LARGE1: variants seen among roughly 807,000 people sequenced by gnomAD.
LARGE1 encodes LARGE xylosyl- and glucuronyltransferase 1, also known as xylosyl- and glucuronyltransferase LARGE1.
Under a neutral mutation model 87.6 loss-of-function variants are expected in LARGE1, and 43 were observed. The observed-to-expected ratio is 0.49, with a 90% CI of 0.38 to 0.63. LARGE1 has a LOEUF of 0.63. Among genes scored for constraint, LARGE1 ranks in the 30% least tolerant of loss-of-function variants. The pLI is 0.00. For missense variants in LARGE1, 802 were observed against 1,000.2 expected, an observed-to-expected ratio of 0.80 and a Z score of 2.67; for synonymous variants, 434 against 394.6, an observed-to-expected ratio of 1.10 and a Z score of -1.18.
chr22:33,793,854 G>A (rs2085897744), intron 1 of LARGE1, among the ~76,000 whole-genome samples: 1 of 151,498 alleles, frequency 6.6e-6, no homozygotes, highest in Non-Finnish European at 1.5e-5. Flanking sequence ...AAGAGGGGGT[G>A]GTGTGAGAAT....
At position 33,205,095 on chromosome 22, in the gene LARGE1, C is replaced by T. The variant is rs78646903; in HGVS notation, c.1731-38263G>A. Among the ~76,000 whole-genome samples, 943 of 152,250 alleles carry T rather than the reference C, an allele frequency of 6.2e-3. 9 individuals are homozygous for T. Among genetic ancestry groups the T allele is most frequent in the African/African-American group, 0.02 (837 of 41,542 alleles). ...TGATCACAACAGTATATACTGGTCA[C>T]ACCTTGTCCCATTATTTCCACCCAA... On this transcript the variant is annotated intron_variant, in intron 11 of 11. Coordinates refer to the LARGE1 transcript ENST00000608642.
At chr22:33,113,909 C>T in the LARGE1 span, among the ~76,000 whole-genome samples, 7 of 149,790 alleles carry the variant, frequency 4.7e-5, no homozygotes, top group African/African-American at 9.9e-5. Flanking sequence ...CTCGCTCTAT[C>T]GCCCAGGCTG....
intron 1 of LARGE1, among the ~76,000 whole-genome samples, chr22:33,783,909 T>C (rs1044275731): frequency 1.3e-5 from 2 of 152,164 alleles, no homozygotes; most frequent in African/African-American, 4.8e-5. Context: ...CTTTCCTCAA[T>C]GGGCTCTAAA....
intron 6 of LARGE1, among the ~76,000 whole-genome samples, chr22:33,473,208 G>T (rs1361461275): frequency 1.4e-5 from 2 of 147,606 alleles, no homozygotes; most frequent in Non-Finnish European, 3.0e-5. Context: ...CACTCTTATT[G>T]CCCAGGCTGG....
rs75064241 is a variant in LARGE1, at chr22:33,916,907, T to C, written c.-83+3088A>G. ...TTTTCCTGTTCCAATCTCTTACCCC[T>C]TGGCTGTACTGTGCCCAAGAGAATC... On this transcript the variant is annotated intron_variant, in intron 1 of 14. Coordinates refer to ENST00000397394, the MANE Select transcript of LARGE1 (RefSeq NM_133642.5). Among the ~76,000 whole-genome samples, 1,439 of 152,340 alleles carry C rather than the reference T, an allele frequency of 9.4e-3. 17 individuals carry two copies. The highest frequency in any genetic ancestry group is 0.032 in the African/African-American group (1,334 of 41,578).
intron 11 of LARGE1, among the ~76,000 whole-genome samples, chr22:33,168,495 C>T (rs1452978818): frequency 1.3e-5 from 2 of 152,178 alleles, no homozygotes; most frequent in Non-Finnish European, 2.9e-5. Flanking sequence ...GAATTGGAGG[C>T]AATTTCCAAT....
chr22:33,244,290 C>T (rs764907661), intron 11 of LARGE1, among the ~76,000 whole-genome samples: 5 of 152,100 alleles, frequency 3.3e-5, no homozygotes, highest in Admixed American at 6.6e-5. Flanking sequence ...CCACCGCGCC[C>T]GGCCTATAGT....
intron 6 of LARGE1, among the ~76,000 whole-genome samples, chr22:33,555,260 C>T (rs1041806024): frequency 3.9e-5 from 6 of 152,014 alleles, no homozygotes; most frequent in South Asian, 2.1e-4. Context: ...TTTTGGTATC[C>T]GTGGGAGGTC....
At chr22:33,165,314 GC>G in exon 12 of LARGE1, 2 of 152,138 alleles carry the variant, frequency 1.3e-5, no homozygotes, top group East Asian at 3.9e-4. Context: ...TGGCATAGTT[GC>G]TCTGTGCTCA....
At chr22:33,419,560 C>T (rs1266653482) in intron 7 of LARGE1, among the ~76,000 whole-genome samples, 1 of 152,124 alleles carries the variant, frequency 6.6e-6, no homozygotes. Context: ...GTCGTCTTCT[C>T]AGAGACTCTA....
intron 11 of LARGE1, among the ~76,000 whole-genome samples, chr22:33,215,434 T>C (rs1018684483): frequency 5.3e-5 from 8 of 152,250 alleles, no homozygotes; most frequent in African/African-American, 1.4e-4. Flanking sequence ...TCTTTCCCTT[T>C]TTAACTCATA....
chr22:33,263,224 A>G (rs900096192), intron 11 of LARGE1, among the ~76,000 whole-genome samples: 3 of 152,170 alleles, frequency 2.0e-5, no homozygotes, highest in African/African-American at 7.2e-5. Context: ...AATTCCTATC[A>G]GAATTCCTCT....
intron 1 of LARGE1, among the ~76,000 whole-genome samples, chr22:33,774,706 G>A (rs1040321425): frequency 1.3e-5 from 2 of 152,114 alleles, no homozygotes; most frequent in African/African-American, 4.8e-5. Flanking sequence ...TAATATATTA[G>A]CATGTTAACA....
intron 5 of LARGE1, among the ~76,000 whole-genome samples, chr22:33,576,647 A>G (rs1014620061): frequency 6.6e-6 from 1 of 152,166 alleles, no homozygotes; most frequent in African/African-American, 2.4e-5. Flanking sequence ...ATGGATAAAC[A>G]TGTGTGTGTA....
intron 4 of LARGE1, among the ~76,000 whole-genome samples, chr22:33,613,556 G>C (rs2079501227): frequency 6.6e-6 from 1 of 152,100 alleles, no homozygotes; most frequent in Non-Finnish European, 1.5e-5. Context: ...GCAATGGCGC[G>C]ATCTTGGCTC....
intron 3 of LARGE1, among the ~76,000 whole-genome samples, chr22:33,635,336 G>A (rs556537181): frequency 6.6e-6 from 1 of 152,178 alleles, no homozygotes; most frequent in East Asian, 1.9e-4. Context: ...CAGTTCTGCT[G>A]TTCAGCCTGC....
At chr22:33,699,976 G>C (rs2082359472) in intron 2 of LARGE1, among the ~76,000 whole-genome samples, 1 of 152,148 alleles carries the variant, frequency 6.6e-6, no homozygotes, top group Non-Finnish European at 1.5e-5. Context: ...TTTCAAGATT[G>C]ATTTACATTG....
chr22:33,698,320 C>T (rs890215605), intron 2 of LARGE1, among the ~76,000 whole-genome samples: 6 of 145,220 alleles, frequency 4.1e-5, no homozygotes, highest in East Asian at 2.0e-4. Context: ...GCGATCTGCC[C>T]GCCTTAGCCT....
At chr22:33,120,006 C>T in the LARGE1 span, among the ~76,000 whole-genome samples, 1 of 141,216 alleles carries the variant, frequency 7.1e-6, no homozygotes, top group Admixed American at 7.0e-5. Context: ...ATGGGGGATA[C>T]CTTGGCTGTT....
Sources: allele counts gnomAD v4.1 joint callset (sites outside exome capture counted in the v4.1 genomes callset), GRCh38; gene constraint gnomAD v4.1.1; transcripts MANE v1.5; gene names NCBI Gene and HGNC (gene_info 2026-07-23, HGNC 2026-07-21).